The following RAB6A variants were observed in gnomAD, a reference collection of about 807,000 sequenced individuals.
RAB6A encodes ras-related protein Rab-6A.
Under a neutral mutation model 32.3 loss-of-function variants are expected in RAB6A, and 8 were observed. That is an observed-to-expected ratio of 0.25 (90% CI 0.15 to 0.45). The LOEUF (loss-of-function observed/expected upper bound fraction) is 0.45, where lower values mean the gene tolerates loss of function less well. Ranked by LOEUF, RAB6A falls within the 20% of genes least tolerant of loss-of-function variation. The pLI, the probability that RAB6A is intolerant of heterozygous loss-of-function variation, is 1.00. For synonymous variants in RAB6A, 73 were observed against 82.1 expected (o/e 0.89, Z 0.60); for missense variants, 104 against 249.4 (o/e 0.42, Z 3.93).
At chr11:73,757,114 TATATATATATA>T (rs1565383782) in intron 1 of RAB6A, among the ~76,000 whole-genome samples, 5 of 44,520 alleles carry the variant, frequency 1.1e-4, no homozygotes, top group Non-Finnish European at 1.8e-4. Flanking sequence ...TATATATATA[TATATATATATA>T]TATATTTTTT....
At chr11:73,717,726 G>A (rs987626488) in intron 4 of RAB6A, among the ~76,000 whole-genome samples, 3 of 152,220 alleles carry the variant, frequency 2.0e-5, no homozygotes, top group African/African-American at 2.4e-5. Flanking sequence ...TTTCCGGCGT[G>A]AGCCACTGTG....
At chr11:73,688,572 TAAG>T (rs1945496558) in intron 6 of RAB6A, among the ~76,000 whole-genome samples, 1 of 152,346 alleles carries the variant, frequency 6.6e-6, no homozygotes, top group East Asian at 1.9e-4. Context: ...CTTGAACTCT[TAAG>T]AGATCTTGTC....
At chr11:73,690,892 T>TC (rs1220287981) in intron 6 of RAB6A, among the ~76,000 whole-genome samples, 2 of 24,428 alleles carry the variant, frequency 8.2e-5, no homozygotes, top group African/African-American at 1.7e-4. Flanking sequence ...TTAGGAAACA[T>TC]TAAAAAAAAA....
In RAB6A at chr11:73,715,283, C is replaced by A. The variant is rs548585456; in HGVS notation, c.401+968G>T. ...CTGGGATTACAGGTGCATGCCACAG[C>A]GCCCAGCTAATTTTGTATTTTTAGT... On this transcript the variant is annotated intron_variant, in intron 5 of 7. Coordinates refer to ENST00000336083, the MANE Select transcript of RAB6A (RefSeq NM_198896.2). Among the ~76,000 whole-genome samples, 68 of 152,202 alleles carry A rather than the reference C, an allele frequency of 4.5e-4. 2 individuals carry two copies. The South Asian group carries it at 0.014, about 31-fold the overall frequency.
In RAB6A at chr11:73,722,325, ATATATATATATATATATATTTTTTT is replaced by A. The variant is rs1196360790; in HGVS notation, c.130-1451_130-1427del. 2.0e-3 allele frequency: 35 copies of A among 17,708 alleles called. 1 individual carries two copies. The highest frequency in any genetic ancestry group is 0.042 in the Middle Eastern group (1 of 24). The allele number at this position is 17,708 out of a possible 1,614,324, so 1.1% of individuals were successfully genotyped here. A position where few individuals can be genotyped will look rare whatever the true frequency, so the allele number is the denominator to read the frequency against. ...TGTGTGTATATATATATATATATAT[ATATATATATATATATATATTTTTTT>A]TTTTTTTTTTTTTTTTTGAGACAGT... On this transcript the variant is annotated intron_variant, in intron 2 of 7. Coordinates refer to ENST00000336083, the MANE Select transcript of RAB6A (RefSeq NM_198896.2).
In RAB6A at chr11:73,751,177, G is replaced by A. The variant is rs536357628; in HGVS notation, c.70+9389C>T. 2.6e-3 allele frequency among the ~76,000 whole-genome samples: 398 copies of A among 152,208 alleles called. 5 individuals carry two copies. Among genetic ancestry groups the A allele is most frequent in the South Asian group, 3.7e-3 (18 of 4,812 alleles). On this transcript the variant is annotated intron_variant, in intron 1 of 7. Transcript: ENST00000336083. Reference sequence around the variant, plus strand: ...ACTCTATAGTCCCAGCTACTCAGGAGGCTGAGGCAGGAGGATCACTTGAGC... The same window carrying A: ...ACTCTATAGTCCCAGCTACTCAGGAAGCTGAGGCAGGAGGATCACTTGAGC...
chr11:73,707,544 TG>T, intron 5 of RAB6A, 31 bp from the exon 6 acceptor site: 1 of 1,443,692 alleles, frequency 6.9e-7, no homozygotes, highest in Non-Finnish European at 9.7e-7. Context: ...TTCTTACTTT[TG>T]AGACATGAGG....
At chr11:73,700,609 T>TGGGGGGGGGGGGGGGG (rs59223959) in intron 6 of RAB6A, among the ~76,000 whole-genome samples, 2 of 28,620 alleles carry the variant, frequency 7.0e-5, no homozygotes, top group African/African-American at 2.0e-4. Context: ...AGTGTGTGTG[T>TGGGGGGGGGGGGGGGG]GGGGGGGGGG....
At chr11:73,744,268 G>T (rs552025635) in intron 1 of RAB6A, among the ~76,000 whole-genome samples, 3 of 150,896 alleles carry the variant, frequency 2.0e-5, no homozygotes, top group Admixed American at 1.3e-4. Flanking sequence ...AACTCGGGAG[G>T]TGGAGGTTGC....
intron 7 of RAB6A, among the ~76,000 whole-genome samples, chr11:73,678,989 G>A (rs868513689): frequency 6.6e-6 from 1 of 152,098 alleles, no homozygotes; most frequent in Non-Finnish European, 1.5e-5. Flanking sequence ...GCCTCCCAAA[G>A]TGCTGGGATT....
intron 3 of RAB6A, 137 bp from the exon 4 acceptor site, chr11:73,718,855 T>C (rs1386539039): frequency 1.2e-6 from 2 of 1,613,588 alleles, no homozygotes; most frequent in Non-Finnish European, 1.7e-6. Flanking sequence ...TACGGAAACG[T>C]TCCTGACCCG....
intron 4 of RAB6A, 96 bp from the exon 5 acceptor site, chr11:73,716,458 G>A (rs967833813): frequency 6.1e-5 from 48 of 784,716 alleles, no homozygotes; most frequent in South Asian, 5.0e-4. Context: ...GAAGTTGGAA[G>A]GGGGCTGGCA....
intron 2 of RAB6A, 62 bp downstream of exon 2, chr11:73,730,703 A>T: frequency 7.5e-7 from 1 of 1,336,142 alleles, no homozygotes; most frequent in Non-Finnish European, 1.1e-6. Context: ...TTTTTTAAAA[A>T]TATCTTGAAT....
chr11:73,709,448 A>ATTATTATTG (rs1945905048), intron 5 of RAB6A, among the ~76,000 whole-genome samples: 1 of 139,440 alleles, frequency 7.2e-6, no homozygotes, highest in Non-Finnish European at 1.6e-5. Context: ...TATTATTATT[A>ATTATTATTG]TTATTATTAT....
intron 1 of RAB6A, among the ~76,000 whole-genome samples, chr11:73,746,241 C>A (rs1210526397): frequency 6.6e-6 from 1 of 151,856 alleles, no homozygotes; most frequent in East Asian, 1.9e-4. Context: ...TAAGAAATAA[C>A]TTTTGTAAGA....
chr11:73,718,695 T>C lies in RAB6A; in HGVS notation c.207A>G (p.Thr69=). 2 of 1,614,178 alleles carry C rather than the reference T, an allele frequency of 1.2e-6. No individual in the cohort carries two copies. Among genetic ancestry groups the C allele is most frequent in the Middle Eastern group, 1.6e-4 (1 of 6,062 alleles). Residue 69 remains threonine, a synonymous_variant, in exon 4 of 8, where the codon ACA becomes ACG. Coordinates refer to ENST00000336083, the MANE Select transcript of RAB6A (RefSeq NM_198896.2). ...DRTVRLQLWD[T]AGQERFRSLI... The stretch of plus-strand genomic sequence containing the variant: ...AGCTCCTGAACCGCTCTTGACCTGC[T>C]GTGTCCCATAATTGCAATCGTACCT...
intron 1 of RAB6A, among the ~76,000 whole-genome samples, chr11:73,749,864 A>G (rs1946647887): frequency 6.6e-6 from 1 of 152,126 alleles, no homozygotes; most frequent in African/African-American, 2.4e-5. Flanking sequence ...CCTGACTGTA[A>G]GAAAAAAACA....
intron 1 of RAB6A, among the ~76,000 whole-genome samples, chr11:73,752,063 G>C (rs990369892): frequency 6.6e-6 from 1 of 152,104 alleles, no homozygotes; most frequent in Admixed American, 6.6e-5. Context: ...AAGCAGAGAT[G>C]AAAAACAATT....
At chr11:73,720,927 A>C in intron 2 of RAB6A, 28 bp from the exon 3 acceptor site, 3 of 1,540,546 alleles carry the variant, frequency 1.9e-6, no homozygotes, top group Non-Finnish European at 2.7e-6. Flanking sequence ...GAAGTTAACA[A>C]ATAATAAGTT....
Sources: gnomAD v4.1 joint callset for allele counts (sites outside exome capture counted in the v4.1 genomes callset) on GRCh38, gnomAD v4.1.1 for gene constraint, MANE v1.5 for transcripts, NCBI Gene and HGNC (gene_info 2026-07-23, HGNC 2026-07-21) for gene names.